EIF4G3: variants seen among roughly 807,000 people sequenced by gnomAD.
EIF4G3 encodes the protein eukaryotic translation initiation factor 4 gamma 3.
Under a neutral mutation model 186.4 loss-of-function variants are expected in EIF4G3, and 34 were observed. The observed-to-expected ratio is 0.18, with a 90% confidence interval of 0.14 to 0.24. The LOEUF is 0.24. Ranked by LOEUF, EIF4G3 falls within the 10% of genes least tolerant of loss-of-function variation. EIF4G3 has a pLI of 1.00. For missense variants in EIF4G3, 1,536 were observed against 1,948.5 expected (o/e 0.79, Z 3.99); for synonymous variants, 673 against 679.5 (o/e 0.99, Z 0.15).
intron 4 of EIF4G3, among the ~76,000 whole-genome samples, chr1:21,039,244 G>T (rs958812272): frequency 2.0e-5 from 3 of 152,146 alleles, no homozygotes; most frequent in African/African-American, 7.2e-5. Flanking sequence ...ATAGCCACAT[G>T]CCAAAAAAAC....
intron 7 of EIF4G3, among the ~76,000 whole-genome samples, chr1:20,988,150 A>T (rs965578470): frequency 1.3e-5 from 2 of 152,244 alleles, no homozygotes; most frequent in Admixed American, 1.3e-4. Context: ...TGAAGCTAGC[A>T]AAGTTTAGCT....
chr1:20,828,030 T>C lies in EIF4G3; in HGVS notation c.4188-332A>G, dbSNP rs1393776383. Among the ~76,000 whole-genome samples the C allele has an allele frequency of 2.6e-5, 3 of 116,788 alleles. 1 individual carries two copies. Among genetic ancestry groups the C allele is most frequent in the African/African-American group, 7.2e-5 (2 of 27,902 alleles). The allele number at this position is 116,788 out of a possible 152,430, so 76.6% of individuals were successfully genotyped here. On this transcript the variant is annotated intron_variant, in intron 31 of 36. Coordinates refer to ENST00000602326, the MANE Select transcript of EIF4G3 (RefSeq NM_001391906.1). ...AGGGAGTTGTGATGCTTTTATAAAG[T>C]TTTTTTTTTTTTTTTTTTTTTGAGA... is the stretch of plus-strand genomic sequence containing the variant.
rs1276962980 is a variant in EIF4G3 at position 21,176,229 on chromosome 1, G to A, written c.-326C>T. 4 of 386,792 alleles carry A rather than the reference G, an allele frequency of 1.0e-5. No individual in the cohort carries two copies. Among genetic ancestry groups the A allele is most frequent in the South Asian group, 1.4e-4 (2 of 14,620 alleles). The allele number at this position is 386,792 out of a possible 1,614,324, so 24.0% of individuals were successfully genotyped here. On this transcript the variant is annotated 5_prime_UTR_variant, in exon 2 of 37. Coordinates refer to ENST00000602326, the MANE Select transcript of EIF4G3 (RefSeq NM_001391906.1). ...GATGTTCGGGTGAGGAGGGGGGACC[G>A]CTGCCGCCGCCGCCGCCGCCGCCGC...
intron 10 of EIF4G3, 63 bp downstream of exon 10, chr1:20,980,271 C>G: frequency 1.6e-6 from 2 of 1,223,844 alleles, no homozygotes; most frequent in Non-Finnish European, 2.2e-6. Context: ...AACCAACCCA[C>G]CAAGCAACAA....
At chr1:21,146,285 G>C (rs1034180001) in intron 2 of EIF4G3, among the ~76,000 whole-genome samples, 3 of 152,048 alleles carry the variant, frequency 2.0e-5, no homozygotes, top group Admixed American at 6.6e-5. Context: ...GAGCCCATGA[G>C]GTTGAAGCTG....
intron 3 of EIF4G3, among the ~76,000 whole-genome samples, chr1:21,076,535 T>G (rs2100604894): frequency 6.6e-6 from 1 of 152,102 alleles, no homozygotes; most frequent in East Asian, 1.9e-4. Context: ...TGATACTACC[T>G]AACTTCAAAA....
At chr1:20,949,972 A>T (rs2096133996) in intron 13 of EIF4G3, 31 bp downstream of exon 13, 1 of 1,556,148 alleles carries the variant, frequency 6.4e-7, no homozygotes, top group Non-Finnish European at 8.9e-7. Context: ...GAGACTAAAG[A>T]TAAGAGGGAG....
intron 3 of EIF4G3, among the ~76,000 whole-genome samples, chr1:21,078,814 G>A (rs1480490726): frequency 6.6e-5 from 10 of 152,062 alleles, no homozygotes; most frequent in African/African-American, 1.9e-4. Flanking sequence ...GTGAAACCCC[G>A]TCTCTACTAA....
At chr1:21,126,137 G>T (rs936457979) in intron 2 of EIF4G3, among the ~76,000 whole-genome samples, 2 of 151,424 alleles carry the variant, frequency 1.3e-5, no homozygotes, top group African/African-American at 2.4e-5. Flanking sequence ...AGCCCAGGAA[G>T]TCGAGGCTAC....
Position 21,149,639 on chromosome 1 carries a change from C to A in EIF4G3, c.-272+26536G>T, listed in dbSNP as rs562418263. 3.9e-5 allele frequency among the ~76,000 whole-genome samples: 6 copies of A among 152,254 alleles called. No homozygotes were observed. In the East Asian group the frequency reaches 1.2e-3, roughly 29 times the overall value. On this transcript the variant is annotated intron_variant, in intron 2 of 36. Transcript: ENST00000602326. ...CCTCTTGGGAGTGGTCCAAAGAGCA[C>A]ACACAGCAACTTTAATTCTCTACTC...
At chr1:21,068,386 A>AAAAAAC (rs2095331021) in intron 3 of EIF4G3, among the ~76,000 whole-genome samples, 1 of 149,052 alleles carries the variant, frequency 6.7e-6, no homozygotes, top group African/African-American at 2.5e-5. Flanking sequence ...AAAAAAAAAA[A>AAAAAAC]AAAAAAAAAA....
chr1:20,937,848 T>C (rs1281599048), intron 14 of EIF4G3, among the ~76,000 whole-genome samples: 1 of 152,228 alleles, frequency 6.6e-6, no homozygotes, highest in Non-Finnish European at 1.5e-5. Context: ...TATCATCCAA[T>C]TAATATCTAG....
intron 3 of EIF4G3, among the ~76,000 whole-genome samples, chr1:21,078,160 G>A (rs1567128): frequency 0.4 from 60,539 of 151,972 alleles, 12,702 homozygotes; most frequent in Middle Eastern, 0.52. Flanking sequence ...TGCAGAGATA[G>A]CTGCCACCCG....
chr1:21,008,132 AC>A (rs1171901755), intron 4 of EIF4G3, among the ~76,000 whole-genome samples: 1 of 152,160 alleles, frequency 6.6e-6, no homozygotes, highest in African/African-American at 2.4e-5. Context: ...CAGAGTGAGA[AC>A]CTGTCTCAAA....
rs1484971377 is a variant in EIF4G3, at chr1:20,820,804, A to T, written c.4369-3266T>A. 4.1e-4 allele frequency among the ~76,000 whole-genome samples: 62 copies of T among 151,994 alleles called. 1 individual carries two copies. Among genetic ancestry groups the T allele is most frequent in the Admixed American group, 4.0e-3 (61 of 15,252 alleles). ...TTCTCTGCTGAGAGCTGCAGAGATGACCTGCCAGGAGAGAGGAGGTACCCT... is the reference window on the plus strand; with the variant it reads ...TTCTCTGCTGAGAGCTGCAGAGATGTCCTGCCAGGAGAGAGGAGGTACCCT... On this transcript the variant is annotated intron_variant, in intron 33 of 36. Coordinates refer to ENST00000602326, the MANE Select transcript of EIF4G3 (RefSeq NM_001391906.1).
At chr1:20,905,255 A>G (rs910131212) in intron 14 of EIF4G3, among the ~76,000 whole-genome samples, 1 of 152,214 alleles carries the variant, frequency 6.6e-6, no homozygotes, top group African/African-American at 2.4e-5. Context: ...GAGTACATAC[A>G]TAAGAAAACT....
chr1:21,168,326 C>T (rs1370050167), intron 2 of EIF4G3, among the ~76,000 whole-genome samples: 2 of 151,934 alleles, frequency 1.3e-5, no homozygotes, highest in South Asian at 2.1e-4. Flanking sequence ...AATTGCTTGA[C>T]CCGGGAGGCC....
intron 12 of EIF4G3, among the ~76,000 whole-genome samples, chr1:20,966,141 G>A (rs897530782): frequency 2.6e-5 from 4 of 152,112 alleles, no homozygotes; most frequent in Non-Finnish European, 4.4e-5. Flanking sequence ...GACTTCCCTC[G>A]GTGATAGGGA....
intron 12 of EIF4G3, among the ~76,000 whole-genome samples, chr1:20,953,767 G>A (rs1275024138): frequency 6.6e-6 from 1 of 152,168 alleles, no homozygotes; most frequent in Non-Finnish European, 1.5e-5. Flanking sequence ...ATTTTGTACT[G>A]CCCACAAGGT....
Sources: allele counts gnomAD v4.1 joint callset (sites outside exome capture counted in the v4.1 genomes callset), GRCh38; gene constraint gnomAD v4.1.1; transcripts MANE v1.5; gene names NCBI Gene and HGNC (gene_info 2026-07-23, HGNC 2026-07-21).